CRACD: variants seen among roughly 807,000 people sequenced by gnomAD.
CRACD encodes capping protein-inhibiting regulator of actin dynamics.
In CRACD, 56 loss-of-function variants were observed where a neutral mutation model predicts 106.8. That is an observed-to-expected ratio of 0.52 (90% confidence interval 0.42 to 0.66). CRACD has a LOEUF of 0.66. Ranked by LOEUF, CRACD falls within the 30% of genes least tolerant of loss-of-function variation. The pLI is 0.00. For synonymous variants in CRACD, 754 were observed against 670.8 expected, an observed-to-expected ratio of 1.12 and a Z score of -1.92; for missense variants, 1,730 against 1,623.2, an observed-to-expected ratio of 1.07 and a Z score of -1.13.
intron 2 of CRACD, among the ~76,000 whole-genome samples, chr4:56,193,989 C>T (rs1737496390): frequency 6.6e-6 from 1 of 151,974 alleles, no homozygotes; most frequent in Non-Finnish European, 1.5e-5. Flanking sequence ...AAAAATATAG[C>T]AATAAGAGCA....
chr4:56,162,201 TA>T (rs780822374), intron 1 of CRACD, among the ~76,000 whole-genome samples: 22 of 147,948 alleles, frequency 1.5e-4, no homozygotes, highest in Non-Finnish European at 1.8e-4. Flanking sequence ...AAATTATTAT[TA>T]TTTTTTTTTA....
chr4:56,132,323 A>C (rs576089545), intron 1 of CRACD, among the ~76,000 whole-genome samples: 1 of 152,040 alleles, frequency 6.6e-6, no homozygotes, highest in South Asian at 2.1e-4. Context: ...TACAGACATG[A>C]GCCACCGTGC....
At chr4:56,057,595 C>T (rs1732119078) in intron 1 of CRACD, among the ~76,000 whole-genome samples, 1 of 150,216 alleles carries the variant, frequency 6.7e-6, no homozygotes, top group Non-Finnish European at 1.5e-5. Flanking sequence ...ATATGTACTT[C>T]CTATTACCAG....
chr4:56,320,804 G>A (rs539769570), intron 8 of CRACD: 83 of 154,370 alleles, frequency 5.4e-4, no homozygotes, highest in Middle Eastern at 2.6e-3. Flanking sequence ...GGTGCCTCAC[G>A]TGGAGGTGGG....
chr4:56,154,866 C>T (rs1031717305), intron 1 of CRACD, among the ~76,000 whole-genome samples: 10 of 152,140 alleles, frequency 6.6e-5, no homozygotes, highest in Non-Finnish European at 1.0e-4. Context: ...TCTAGTTACT[C>T]ACTTTTCTAT....
chr4:56,139,319 C>T (rs1236402819), intron 1 of CRACD, among the ~76,000 whole-genome samples: 1 of 152,030 alleles, frequency 6.6e-6, no homozygotes, highest in Non-Finnish European at 1.5e-5. Context: ...CTCTCCCTTC[C>T]TCTCTTCCTC....
chr4:56,160,251 C>T (rs1735906320), intron 1 of CRACD, among the ~76,000 whole-genome samples: 1 of 148,474 alleles, frequency 6.7e-6, no homozygotes, highest in African/African-American at 2.5e-5. Flanking sequence ...GGCGCGATCT[C>T]CACTCACCGC....
intron 1 of CRACD, among the ~76,000 whole-genome samples, chr4:56,067,671 G>A (rs1048126802): frequency 1.3e-5 from 2 of 152,170 alleles, no homozygotes; most frequent in African/African-American, 4.8e-5. Context: ...CACCTCCCGG[G>A]TTCAAGCGAT....
chr4:56,054,629 A>C (rs55984129), intron 1 of CRACD, among the ~76,000 whole-genome samples: 12,283 of 152,296 alleles, frequency 0.081, 666 homozygotes, highest in Middle Eastern at 0.21. Context: ...GAAGTACCAG[A>C]TTATAAACTC....
Position 56,249,054 on chromosome 4 carries a change from T to C in CRACD, c.-188-23267T>C, listed in dbSNP as rs1354615631. 5.8e-5 allele frequency among the ~76,000 whole-genome samples: 5 copies of C among 85,988 alleles called. No individual in the cohort carries two copies. The East Asian group carries it at 1.2e-3, about 21-fold the overall frequency. The allele number at this position is 85,988 out of a possible 152,430, so 56.4% of individuals were successfully genotyped here. A position where few individuals can be genotyped will look rare whatever the true frequency, so the allele number is the denominator to read the frequency against. Reference sequence around the variant, plus strand: ...AAACATACATGTGCATGTGTCTTTATAGCGGCATGATTTATAGTCCTTTGG... The same window carrying C: ...AAACATACATGTGCATGTGTCTTTACAGCGGCATGATTTATAGTCCTTTGG... On this transcript the variant is annotated intron_variant, in intron 2 of 10. Coordinates refer to ENST00000682029, the MANE Select transcript of CRACD (RefSeq NM_001393381.1).
intron 2 of CRACD, among the ~76,000 whole-genome samples, chr4:56,215,422 G>T (rs1158000355): frequency 6.6e-6 from 1 of 152,222 alleles, no homozygotes; most frequent in Non-Finnish European, 1.5e-5. Flanking sequence ...CACCTTGGCA[G>T]TTAGAATTTC....
intron 8 of CRACD, among the ~76,000 whole-genome samples, chr4:56,318,672 G>A (rs993013417): frequency 6.6e-5 from 10 of 152,116 alleles, no homozygotes; most frequent in Non-Finnish European, 1.2e-4. Context: ...TTCCTGATTC[G>A]ATACAGAAAT....
chr4:56,319,122 C>T (rs1280873564), intron 8 of CRACD, among the ~76,000 whole-genome samples: 1 of 152,096 alleles, frequency 6.6e-6, no homozygotes, highest in East Asian at 1.9e-4. Context: ...GATATAAACT[C>T]GCCAAACTGC....
At chr4:56,108,246 A>G (rs1734009856) in intron 1 of CRACD, among the ~76,000 whole-genome samples, 1 of 152,208 alleles carries the variant, frequency 6.6e-6, no homozygotes, top group Non-Finnish European at 1.5e-5. Context: ...ACAAATGATT[A>G]AGATTAGCAC....
intron 1 of CRACD, among the ~76,000 whole-genome samples, chr4:56,156,252 G>T (rs1210053813): frequency 6.6e-6 from 1 of 152,146 alleles, no homozygotes; most frequent in African/African-American, 2.4e-5. Flanking sequence ...ATGAGCCACC[G>T]CACCTGGCCG....
chr4:56,270,885 C>T (rs999925656), intron 2 of CRACD, among the ~76,000 whole-genome samples: 3 of 151,678 alleles, frequency 2.0e-5, no homozygotes, highest in Non-Finnish European at 4.4e-5. Flanking sequence ...AGTTCAAAAC[C>T]AGCCTGGCCA....
chr4:56,184,238 T>G (rs1370923571), intron 2 of CRACD, among the ~76,000 whole-genome samples: 1 of 152,134 alleles, frequency 6.6e-6, no homozygotes, highest in Non-Finnish European at 1.5e-5. Context: ...GCCCAGTTAA[T>G]TTTTGTACTT....
At chr4:56,218,780 T>G (rs1490896404) in intron 2 of CRACD, among the ~76,000 whole-genome samples, 1 of 152,002 alleles carries the variant, frequency 6.6e-6, no homozygotes, top group Non-Finnish European at 1.5e-5. Context: ...GCCTAGAAAT[T>G]TTCTTCCTAT....
chr4:56,085,479 T>C (rs1264496484), intron 1 of CRACD, among the ~76,000 whole-genome samples: 1 of 152,188 alleles, frequency 6.6e-6, no homozygotes, highest in Non-Finnish European at 1.5e-5. Context: ...TGAATAGCTC[T>C]GTAGGCTCAA....
Sources: allele counts gnomAD v4.1 joint callset (sites outside exome capture counted in the v4.1 genomes callset), GRCh38; gene constraint gnomAD v4.1.1; transcripts MANE v1.5; gene names NCBI Gene and HGNC (gene_info 2026-07-23, HGNC 2026-07-21).